Variants in ADGRL3 observed in about 807,000 individuals in gnomAD.
ADGRL3 encodes calcium-independent alpha-latrotoxin receptor 3.
A neutral mutation model predicts 153.5 loss-of-function variants in ADGRL3; 62 were observed. That is an observed-to-expected ratio of 0.40 (90% confidence interval 0.33 to 0.50). ADGRL3 has a LOEUF of 0.50. ADGRL3 is among the 20% of genes least tolerant of loss of function. The pLI is 0.47. For missense variants in ADGRL3, 1,641 were observed against 1,859.4 expected (o/e 0.88, Z 2.16); for synonymous variants, 710 against 672.5 (o/e 1.06, Z -0.86).
chr4:61,676,101 T>C (rs2095182008), intron 5 of ADGRL3, among the ~76,000 whole-genome samples: 1 of 151,940 alleles, frequency 6.6e-6, no homozygotes. Context: ...AGTTCCATCT[T>C]ATATTTATGT....
intron 1 of ADGRL3, among the ~76,000 whole-genome samples, chr4:61,221,197 T>A (rs1364094340): frequency 6.6e-6 from 1 of 152,186 alleles, no homozygotes; most frequent in Non-Finnish European, 1.5e-5. Flanking sequence ...TTAGGGACTA[T>A]AATTAAATAA....
At chr4:61,808,410 T>G (rs1180513522) in intron 8 of ADGRL3, among the ~76,000 whole-genome samples, 13 of 152,136 alleles carry the variant, frequency 8.5e-5, no homozygotes, top group Non-Finnish European at 8.8e-5. Flanking sequence ...AGTGACTTTA[T>G]GTTTCGGATA....
intron 9 of ADGRL3, among the ~76,000 whole-genome samples, chr4:61,845,981 T>G (rs926130158): frequency 3.9e-5 from 6 of 152,202 alleles, no homozygotes; most frequent in African/African-American, 1.4e-4. Context: ...CAGCAATTCC[T>G]TCATTTGTTC....
At chr4:61,584,560 T>C (rs922467590) in intron 4 of ADGRL3, among the ~76,000 whole-genome samples, 14 of 152,046 alleles carry the variant, frequency 9.2e-5, no homozygotes, top group Admixed American at 2.6e-4. Flanking sequence ...TATTTGTTAT[T>C]TTTTTGTTAC....
chr4:61,313,955 G>T (rs1004669728), intron 1 of ADGRL3, among the ~76,000 whole-genome samples: 3 of 152,014 alleles, frequency 2.0e-5, no homozygotes, highest in Non-Finnish European at 4.4e-5. Flanking sequence ...CTCCTAACGT[G>T]CACATCTTTG....
At chr4:61,860,912 C>A (rs777887078) in intron 9 of ADGRL3, among the ~76,000 whole-genome samples, 10 of 152,136 alleles carry the variant, frequency 6.6e-5, no homozygotes, top group Non-Finnish European at 1.3e-4. Context: ...AGGATAGGAA[C>A]CATGTTCAGT....
intron 21 of ADGRL3, among the ~76,000 whole-genome samples, chr4:62,024,601 A>AATT (rs1158486485): frequency 4.6e-5 from 7 of 152,120 alleles, no homozygotes; most frequent in Non-Finnish European, 8.8e-5. Context: ...CATAGAGAAA[A>AATT]ATTATTAATA....
chr4:61,744,993 G>C (rs1295394033), intron 8 of ADGRL3, among the ~76,000 whole-genome samples: 1 of 152,126 alleles, frequency 6.6e-6, no homozygotes, highest in African/African-American at 2.4e-5. Flanking sequence ...TGTATAACTA[G>C]AATAACCAAC....
intron 1 of ADGRL3, among the ~76,000 whole-genome samples, chr4:61,363,728 T>C (rs1010698504): frequency 3.9e-5 from 6 of 152,296 alleles, no homozygotes; most frequent in East Asian, 1.9e-4. Context: ...GCCAATTGTG[T>C]GCTAGAGATA....
chr4:61,669,966 T>G (rs1012010072), intron 5 of ADGRL3, among the ~76,000 whole-genome samples: 1 of 152,216 alleles, frequency 6.6e-6, no homozygotes, highest in African/African-American at 2.4e-5. Flanking sequence ...CCCTGTGAAT[T>G]ACATTCCCAG....
chr4:61,354,082 A>C (rs973400072), intron 1 of ADGRL3, among the ~76,000 whole-genome samples: 1 of 152,150 alleles, frequency 6.6e-6, no homozygotes, highest in Non-Finnish European at 1.5e-5. Flanking sequence ...GTTGCTTACT[A>C]TGTTCCGTGT....
At chr4:61,453,038 G>A (rs1390903673) in intron 2 of ADGRL3, among the ~76,000 whole-genome samples, 1 of 152,044 alleles carries the variant, frequency 6.6e-6, no homozygotes, top group African/African-American at 2.4e-5. Flanking sequence ...ACCATAGGTG[G>A]CCCAGTAGTT....
intron 2 of ADGRL3, chr4:61,427,181 C>T (rs1484832031): frequency 6.6e-6 from 1 of 152,264 alleles, no homozygotes; most frequent in Non-Finnish European, 1.5e-5. Flanking sequence ...ACATATGGCC[C>T]TCAGGTATTT....
intron 2 of ADGRL3, among the ~76,000 whole-genome samples, chr4:61,393,523 C>T (rs1228942442): frequency 6.6e-6 from 1 of 151,646 alleles, no homozygotes; most frequent in Non-Finnish European, 1.5e-5. Flanking sequence ...TTACATTTTT[C>T]AATTTTTTTC....
intron 1 of ADGRL3, among the ~76,000 whole-genome samples, chr4:61,335,246 T>G (rs1245438479): frequency 6.6e-6 from 1 of 152,190 alleles, no homozygotes; most frequent in Non-Finnish European, 1.5e-5. Flanking sequence ...CTTGTATTAC[T>G]TACATGGGGG....
intron 5 of ADGRL3, among the ~76,000 whole-genome samples, chr4:61,600,654 T>C (rs181315694): frequency 1.4e-4 from 21 of 152,324 alleles, no homozygotes; most frequent in Admixed American, 9.2e-4. Context: ...AAAGAAGTTA[T>C]TATCGTGACT....
At chr4:62,052,817 T>C (rs1220019612) in intron 25 of ADGRL3, among the ~76,000 whole-genome samples, 1 of 151,412 alleles carries the variant, frequency 6.6e-6, no homozygotes, top group Non-Finnish European at 1.5e-5. Flanking sequence ...GCTCCTGAAT[T>C]TGATATTTTT....
intron 2 of ADGRL3, among the ~76,000 whole-genome samples, chr4:61,469,423 A>G (rs1043703709): frequency 2.6e-5 from 4 of 152,178 alleles, no homozygotes; most frequent in Admixed American, 6.6e-5. Context: ...CTGACTAAGT[A>G]AAGACTTTTG....
At chr4:61,631,142 T>A (rs555705344) in intron 5 of ADGRL3, among the ~76,000 whole-genome samples, 3 of 152,294 alleles carry the variant, frequency 2.0e-5, no homozygotes, top group Admixed American at 1.3e-4. Flanking sequence ...TTTTCGTTGT[T>A]CCTTTGTTAT....
Sources: gnomAD v4.1 joint callset for allele counts (sites outside exome capture counted in the v4.1 genomes callset) on GRCh38, gnomAD v4.1.1 for gene constraint, MANE v1.5 for transcripts, NCBI Gene and HGNC (gene_info 2026-07-23, HGNC 2026-07-21) for gene names.